The following RESF1 variants were observed in gnomAD, a reference collection of about 807,000 sequenced individuals.
RESF1 encodes retroelement silencing factor 1, also known as gonad expressed transcript.
A neutral mutation model predicts 134.7 loss-of-function variants in RESF1; 65 were observed. The ratio of observed to expected loss-of-function variants is 0.48; its 90% CI spans 0.40 to 0.59. The LOEUF (loss-of-function observed/expected upper bound fraction) is 0.59, where lower values mean the gene tolerates loss of function less well. Among genes scored for constraint, RESF1 ranks in the 20% least tolerant of loss-of-function variants. RESF1 has a pLI of 0.00. For missense variants in RESF1, 2,274 were observed against 2,002.7 expected (o/e 1.14, Z -2.59); for synonymous variants, 762 against 702.2 (o/e 1.09, Z -1.35).
chr12:31,967,045 C>T (rs1939413760), intron 2 of RESF1, among the ~76,000 whole-genome samples: 1 of 152,188 alleles, frequency 6.6e-6, no homozygotes, highest in Non-Finnish European at 1.5e-5. Context: ...GAAACAGTCA[C>T]AAAGCAGTTT....
At chr12:31,986,036 C>A in intron 4 of RESF1, 79 bp downstream of exon 4, 1 of 850,270 alleles carries the variant, frequency 1.2e-6, no homozygotes, top group Non-Finnish European at 1.5e-6. Flanking sequence ...ACCTCTCATG[C>A]TGTCTTGGGC....
chr12:31,991,103 G>A (rs1940084502), intron 5 of RESF1, among the ~76,000 whole-genome samples: 1 of 151,774 alleles, frequency 6.6e-6, no homozygotes, highest in Non-Finnish European at 1.5e-5. Flanking sequence ...GCAGACTGAG[G>A]AAGGAGGATC....
chr12:31,985,406 T>C lies in RESF1; in HGVS notation c.4451T>C (p.Leu1484Pro). ...CDSEHMRPSK[L>P]AVQVESCGKS... ...TCTGAACATATGAGACCAAGTAAAC[T>C]TGCCGTGCAGGTTGAAAGTTGTGGG... The change falls in exon 4 of 6, where the codon CTT (leucine) becomes CCT (proline). Residue 1484 changes from leucine (L) to proline (P), a missense_variant. Transcript: ENST00000312561. 1 of 1,605,550 alleles carries C rather than the reference T, an allele frequency of 6.2e-7. No homozygotes were observed. The highest frequency in any genetic ancestry group is 8.5e-7 in the Non-Finnish European group (1 of 1,177,800).
intron 2 of RESF1, among the ~76,000 whole-genome samples, chr12:31,967,667 G>GT (rs201845090): frequency 4.7e-4 from 25 of 52,664 alleles, no homozygotes; most frequent in African/African-American, 8.3e-4. Context: ...GGGGATTTTT[G>GT]TTTTTTTTGT....
chr12:31,966,642 G>A (rs376501796), intron 2 of RESF1, among the ~76,000 whole-genome samples: 2 of 152,126 alleles, frequency 1.3e-5, no homozygotes, highest in South Asian at 4.2e-4. Context: ...AAGCCCTGTG[G>A]CTCTCACTGG....
At chr12:31,989,239 A>G (rs1940043658) in intron 5 of RESF1, among the ~76,000 whole-genome samples, 1 of 151,026 alleles carries the variant, frequency 6.6e-6, no homozygotes, top group African/African-American at 2.4e-5. Flanking sequence ...TACTGAAAAT[A>G]TAAAAAATAA....
At chr12:31,991,513 C>G (rs979860285) in intron 5 of RESF1, among the ~76,000 whole-genome samples, 2 of 152,202 alleles carry the variant, frequency 1.3e-5, no homozygotes, top group Non-Finnish European at 2.9e-5. Context: ...CAGATAGTCC[C>G]TGACTTGGCA....
Position 31,981,765 on chromosome 12 carries a change from C to T in RESF1, c.810C>T (p.Ala270=), listed in dbSNP as rs899037951. The T allele has an allele frequency of 6.2e-7, 1 of 1,613,584 alleles. No individual in the cohort carries two copies. The highest frequency in any genetic ancestry group is 1.3e-5 in the African/African-American group (1 of 74,898). Residue 270 remains alanine, a synonymous_variant, in exon 4 of 6, where the codon GCC becomes GCT. Transcript: ENST00000312561. The part of the protein sequence containing the change: ...QTSAVPSQQY[A]TQTDKRPPPP... ...CAGCTGTACCATCACAGCAGTATGC[C>T]ACGCAAACTGACAAAAGACCTCCTC...
intron 5 of RESF1, among the ~76,000 whole-genome samples, chr12:31,991,236 T>A (rs1055808366): frequency 2.7e-5 from 4 of 150,328 alleles, no homozygotes; most frequent in African/African-American, 9.7e-5. Flanking sequence ...GATGTCTAAA[T>A]TCAGTAGCAA....
At chr12:31,971,817 A>G (rs1245733912) in intron 3 of RESF1, among the ~76,000 whole-genome samples, 2 of 152,148 alleles carry the variant, frequency 1.3e-5, no homozygotes, top group African/African-American at 4.8e-5. Context: ...CCTGGTACCA[A>G]TTGTCTATCT....
Position 31,984,373 on chromosome 12 carries a change from A to C in RESF1, c.3418A>C (p.Ile1140Leu), listed in dbSNP as rs779423038. ...KLAEPQKEEP[I>L]TEVVSQCDLQ... ...GGCAGAACCTCAGAAAGAAGAGCCC[A>C]TCACAGAAGTAGTTAGCCAGTGTGA... is the stretch of plus-strand genomic sequence containing the variant. The change falls in exon 4 of 6, where the codon ATC becomes CTC. Residue 1140 changes from isoleucine to leucine, a missense_variant. Ile to Leu is a conservative substitution (Grantham distance 5, BLOSUM62 2). Transcript: ENST00000312561. 30 of 1,614,070 alleles carry C rather than the reference A, an allele frequency of 1.9e-5. No homozygotes were observed. The highest frequency in any genetic ancestry group is 2.4e-5 in the Non-Finnish European group (28 of 1,180,014).
rs752265648 is a variant in RESF1, at chr12:31,992,384, T to A, written c.5093T>A (p.Val1698Asp). ...AAGTTTTTATTTCCCTTAGATAATG[T>A]TAATTCAAGACTCTCGAAGAGAAGC... Reference protein sequence around the residue: ...TQKDSQERDNVNSRLSKRSFS... With the variant: ...TQKDSQERDNDNSRLSKRSFS... Residue 1698 changes from valine (V) to aspartate (D), a missense_variant, in exon 6 of 6, where the codon GTT (valine) becomes GAT (aspartate). Coordinates refer to ENST00000312561, the MANE Select transcript of RESF1 (RefSeq NM_018169.4). The A allele has an allele frequency of 8.1e-6, 13 of 1,609,028 alleles. No individual in the cohort carries two copies. The highest frequency in any genetic ancestry group is 1.7e-6 in the Non-Finnish European group (2 of 1,177,934).
At position 31,982,724 on chromosome 12, in the gene RESF1, A is replaced by G. The variant is rs1294644358; in HGVS notation, c.1769A>G (p.Gln590Arg). 5 of 1,613,756 alleles carry G rather than the reference A, an allele frequency of 3.1e-6. No individual in the cohort carries two copies. The highest frequency in any genetic ancestry group is 4.2e-6 in the Non-Finnish European group (5 of 1,179,684). ...ENMLLLALLS[Q>R]ARKTQKTVLK... ...ATGCTACTTCTCGCTTTGCTTTCAC[A>G]GGCACGTAAGACTCAGAAGACAGTA... The change falls in exon 4 of 6, where the codon CAG (glutamine) becomes CGG (arginine). Residue 590 changes from glutamine to arginine, a missense_variant. By Grantham distance (43) the Gln-to-Arg change is conservative. Transcript: ENST00000312561.
rs529456124 is a variant in RESF1, at chr12:31,972,085, G to C, written c.-79+1729G>C. 1.6e-4 allele frequency among the ~76,000 whole-genome samples: 24 copies of C among 152,274 alleles called. 1 individual carries two copies. Among genetic ancestry groups the C allele is most frequent in the South Asian group, 6.2e-4 (3 of 4,822 alleles). On this transcript the variant is annotated intron_variant, in intron 3 of 5. Transcript: ENST00000312561. ...TCCTAGAGGGTGGCGTACCCAGGGA[G>C]GGCATGGAAATGCTGTGCCCCTTCT...
Position 31,982,318 on chromosome 12 carries a change from C to T in RESF1, c.1363C>T (p.Pro455Ser), listed in dbSNP as rs1171459218. 1 of 1,614,094 alleles carries T rather than the reference C, an allele frequency of 6.2e-7. No homozygotes were observed. Among genetic ancestry groups the T allele is most frequent in the Non-Finnish European group, 8.5e-7 (1 of 1,180,012 alleles). The change falls in exon 4 of 6, where the codon CCC becomes TCC. Residue 455 changes from proline to serine, a missense_variant. Pro to Ser is a moderately conservative substitution (Grantham distance 74, BLOSUM62 -1). Transcript: ENST00000312561. ...ACAAACTGCCAAAATCCAGTCTGGA[C>T]CCCAGATAACTCCAGTAATGCCAGA... ...LKQTAKIQSG[P>S]QITPVMPENA...
In RESF1 at chr12:31,983,973, A is replaced by C. The variant is rs777103652; in HGVS notation, c.3018A>C (p.Thr1006=). 2.5e-6 allele frequency: 4 copies of C among 1,613,686 alleles called. No homozygotes were observed. Among genetic ancestry groups the C allele is most frequent in the Admixed American group, 3.3e-5 (2 of 59,902 alleles). ...SSLEHATEKS[T]ANDTCSSAAI... Reference sequence around the variant, plus strand: ...TGGAGCATGCCACTGAAAAAAGCACAGCTAACGATACGTGCTCGTCAGCTG... The same window carrying C: ...TGGAGCATGCCACTGAAAAAAGCACCGCTAACGATACGTGCTCGTCAGCTG... Residue 1006 remains threonine, a synonymous_variant, in exon 4 of 6, where the codon ACA becomes ACC. Transcript: ENST00000312561.
rs763525683 is a variant in RESF1, at chr12:31,983,557, TCTC to T, written c.2605_2607del (p.Pro869del). 3 of 1,614,000 alleles carry T rather than the reference TCTC, an allele frequency of 1.9e-6. No individual in the cohort carries two copies. The African/African-American group carries it at 4.0e-5, about 22-fold the overall frequency. On this transcript the variant is annotated inframe_deletion, in exon 4 of 6. Transcript: ENST00000312561. ...TAACAAATTAGAGTCAGCTATCCAT[TCTC>T]CTATGAACGATCAGCAAATCTCACA...
At position 31,982,702 on chromosome 12, in the gene RESF1, C is replaced by G. The variant is rs762184962; in HGVS notation, c.1747C>G (p.Leu583Val). Residue 583 changes from leucine (L) to valine (V), a missense_variant, in exon 4 of 6, where the codon CTA becomes GTA. Leu to Val is a conservative substitution (Grantham distance 32, BLOSUM62 1). Transcript: ENST00000312561. ...ATCAAAAATTCAAAATGAAAATATGCTACTTCTCGCTTTGCTTTCACAGGC... is the reference window on the plus strand; with the variant it reads ...ATCAAAAATTCAAAATGAAAATATGGTACTTCTCGCTTTGCTTTCACAGGC... The part of the protein sequence containing the change: ...YKSKIQNENM[L>V]LLALLSQARK... The G allele has an allele frequency of 1.2e-6, 2 of 1,613,924 alleles. No individual in the cohort carries two copies. The highest frequency in any genetic ancestry group is 8.5e-7 in the Non-Finnish European group (1 of 1,179,854).
intron 2 of RESF1, among the ~76,000 whole-genome samples, chr12:31,963,942 C>A (rs149441285): frequency 6.6e-6 from 1 of 152,128 alleles, no homozygotes; most frequent in African/African-American, 2.4e-5. Flanking sequence ...AGTTAACAGA[C>A]GTTTGACACG....
Sources: allele counts gnomAD v4.1 joint callset (sites outside exome capture counted in the v4.1 genomes callset), GRCh38; gene constraint gnomAD v4.1.1; transcripts MANE v1.5; gene names NCBI Gene and HGNC (gene_info 2026-07-23, HGNC 2026-07-21).